Variants in INSRR observed in about 807,000 individuals in gnomAD.
The protein encoded by INSRR is insulin receptor related receptor.
A neutral mutation model predicts 130.0 loss-of-function variants in INSRR; 114 were observed. The observed-to-expected ratio is 0.88, with a 90% CI of 0.75 to 1.02. The LOEUF is 1.02. Ranked by LOEUF, INSRR falls within the 50% of genes least tolerant of loss-of-function variation. INSRR has a pLI of 0.00. For synonymous variants in INSRR, 674 were observed against 705.2 expected (o/e 0.96, Z 0.70); for missense variants, 1,657 against 1,735.2 (o/e 0.95, Z 0.80).
Position 156,844,504 on chromosome 1 carries a change from C to T in INSRR, c.2695G>A (p.Gly899Ser), listed in dbSNP as rs1654916463. 1 of 1,614,010 alleles carries T rather than the reference C, an allele frequency of 6.2e-7. No homozygotes were observed. Among genetic ancestry groups the T allele is most frequent in the African/African-American group, 1.3e-5 (1 of 74,914 alleles). Reference protein sequence around the residue: ...RVRATSLAGNGSWTDSVAFYI... With the variant: ...RVRATSLAGNSSWTDSVAFYI... ...AAGGCAACACTGTCTGTCCAAGAGCCATTGCCAGCCAGTGAGGTTGCCCTA... is the reference window on the plus strand; with the variant it reads ...AAGGCAACACTGTCTGTCCAAGAGCTATTGCCAGCCAGTGAGGTTGCCCTA... The change falls in exon 14 of 22, where the codon GGC (glycine) becomes AGC (serine). Residue 899 changes from glycine (G) to serine (S), a missense_variant. By Grantham distance (56) the Gly-to-Ser change is moderately conservative (BLOSUM62 0). Coordinates refer to ENST00000368195, the MANE Select transcript of INSRR (RefSeq NM_014215.3).
chr1:156,851,901 G>C lies in INSRR; in HGVS notation c.928C>G (p.Arg310Gly). ...CLAQCPSGFT[R>G]NSSSIFCHKC... ...CCCTACACTCACCTGCTGCTATTAC[G>C]GGTGAAGCCAGAAGGGCACTGGGCC... Residue 310 changes from arginine (R) to glycine (G), a missense_variant, in exon 3 of 22, where the codon CGT becomes GGT. By Grantham distance (125) the Arg-to-Gly change is moderately radical. Transcript: ENST00000368195. 1 of 1,586,230 alleles carries C rather than the reference G, an allele frequency of 6.3e-7. No individual in the cohort carries two copies. The highest frequency in any genetic ancestry group is 8.6e-7 in the Non-Finnish European group (1 of 1,161,964).
Position 156,841,728 on chromosome 1 carries a change from G to A in INSRR, c.3464C>T (p.Pro1155Leu). The change falls in exon 20 of 22, where the codon CCC becomes CTC. Residue 1155 changes from proline to leucine, a missense_variant. Physicochemically the swap from Pro to Leu is moderately conservative, Grantham distance 98. Coordinates refer to ENST00000368195, the MANE Select transcript of INSRR (RefSeq NM_014215.3). Reference sequence around the variant, plus strand: ...GGACTCGGGGGCCATCCAGCGCACGGGCAGCAGCCCCTTCCCACCCTTGCG... The same window carrying A: ...GGACTCGGGGGCCATCCAGCGCACGAGCAGCAGCCCCTTCCCACCCTTGCG... ...YYRKGGKGLL[P>L]VRWMAPESLK... 1.2e-6 allele frequency: 2 copies of A among 1,614,136 alleles called. No homozygotes were observed. The highest frequency in any genetic ancestry group is 2.7e-5 in the African/African-American group (2 of 75,034).
At chr1:156,853,082 C>G (rs1220766578) in intron 2 of INSRR, among the ~76,000 whole-genome samples, 1 of 152,134 alleles carries the variant, frequency 6.6e-6, no homozygotes, top group Non-Finnish European at 1.5e-5. Flanking sequence ...TCTCCTTTCT[C>G]TACTGCTTTT....
chr1:156,856,757 A>T (rs1217795755), intron 1 of INSRR, among the ~76,000 whole-genome samples: 1 of 152,152 alleles, frequency 6.6e-6, no homozygotes, highest in Non-Finnish European at 1.5e-5. Flanking sequence ...CTGGGCACTC[A>T]GGAACCATGG....
intron 1 of INSRR, among the ~76,000 whole-genome samples, chr1:156,857,322 G>T (rs915770834): frequency 2.2e-4 from 33 of 152,128 alleles, no homozygotes; most frequent in African/African-American, 7.5e-4. Flanking sequence ...GGCAGATAGG[G>T]GTTCTCTCAG....
At chr1:156,850,534 CTTTTTTTTTTTTTTTTTTTT>C (rs35237064) in intron 5 of INSRR, among the ~76,000 whole-genome samples, 10 of 58,618 alleles carry the variant, frequency 1.7e-4, no homozygotes, top group African/African-American at 5.0e-4. Context: ...TTAAAACATT[CTTTTTTTTTTTTTTTTTTTT>C]TTTTTTTTTT....
chr1:156,854,604 C>T lies in INSRR; in HGVS notation c.86-301G>A, dbSNP rs1003547132. Among the ~76,000 whole-genome samples, 1 of 152,188 alleles carries T rather than the reference C, an allele frequency of 6.6e-6. No homozygotes were observed. The highest frequency in any genetic ancestry group is 1.5e-5 in the Non-Finnish European group (1 of 68,026). On this transcript the variant is annotated intron_variant, in intron 1 of 21. Coordinates refer to ENST00000368195, the MANE Select transcript of INSRR (RefSeq NM_014215.3). The surrounding 1 kb of genome is among the most constrained non-coding windows in gnomAD (Gnocchi z 4.2). ...CAGTCAGGCTCCCAACGACTGCAAG[C>T]GACTCCCAGCGACTTCATTCTTGCA...
At position 156,841,706 on chromosome 1, in the gene INSRR, C is replaced by G. The variant is rs764122554; in HGVS notation, c.3486G>C (p.Glu1162Asp). The G allele has an allele frequency of 1.1e-5, 18 of 1,614,160 alleles. No homozygotes were observed. The South Asian group carries it at 1.9e-4, about 17-fold the overall frequency. ...GLLPVRWMAP[E>D]SLKDGIFTTH... is the part of the protein sequence containing the mutation. ...TGGTGAAGATCCCATCTTTGAGGGA[C>G]TCGGGGGCCATCCAGCGCACGGGCA... The change falls in exon 20 of 22, where the codon GAG becomes GAC. Residue 1162 changes from glutamate (E) to aspartate (D), a missense_variant. Transcript: ENST00000368195.
Position 156,844,298 on chromosome 1 carries a change from G to GT in INSRR, c.2738-19_2738-18insA. On this transcript the variant is annotated intron_variant, in intron 14 of 21. Coordinates refer to ENST00000368195, the MANE Select transcript of INSRR (RefSeq NM_014215.3). ...CTCCTCCTCTGGCAGTCAGAGGGCA[G>GT]CAGAGGGTAGAGTCAAAGATGTAGA... The GT allele has an allele frequency of 6.3e-7, 1 of 1,594,062 alleles. No individual in the cohort carries two copies.
rs779432741 is a variant in INSRR, at chr1:156,854,121, C to T, written c.268G>A (p.Gly90Arg). 29 of 1,614,040 alleles carry T rather than the reference C, an allele frequency of 1.8e-5. No homozygotes were observed. Among genetic ancestry groups the T allele is most frequent in the Admixed American group, 5.0e-5 (3 of 60,014 alleles). ...AAGAGGTCGCGCAGGCTCTCCAGTC[C>T]GTAGACACGGAAGAGCAGCAGGTAG... ...TDYLLLFRVY[G>R]LESLRDLFPN... is the part of the protein sequence containing the mutation. Residue 90 changes from glycine (G) to arginine (R), a missense_variant, in exon 2 of 22, where the codon GGA becomes AGA. Physicochemically the swap from Gly to Arg is moderately radical, Grantham distance 125. Coordinates refer to ENST00000368195, the MANE Select transcript of INSRR (RefSeq NM_014215.3). This position sits in a 1 kb window ranked among gnomAD's most constrained non-coding sequence, Gnocchi z 4.2.
chr1:156,852,856 T>C (rs538199332), intron 2 of INSRR, among the ~76,000 whole-genome samples: 2 of 151,858 alleles, frequency 1.3e-5, no homozygotes, highest in Admixed American at 6.6e-5. Context: ...ATCAGGGAGG[T>C]GGGGTGCAGC....
Position 156,858,885 on chromosome 1 carries a change from GTGACAGGGAGAGTC to G in INSRR, c.-278_-265del, listed in dbSNP as rs1468685316. Reference sequence around the variant, plus strand: ...AGAGATGGGGACAGAGATGCAGACAGTGACAGGGAGAGTCTCGGGCCTCCAGAGGGAGAAAATGA... The same window carrying G: ...AGAGATGGGGACAGAGATGCAGACAGTCGGGCCTCCAGAGGGAGAAAATGA... On this transcript the variant is annotated 5_prime_UTR_variant, in exon 1 of 22. Coordinates refer to ENST00000368195, the MANE Select transcript of INSRR (RefSeq NM_014215.3). 1.3e-4 allele frequency: 64 copies of G among 502,096 alleles called. No homozygotes were observed. Among genetic ancestry groups the G allele is most frequent in the South Asian group, 1.3e-3 (48 of 37,726 alleles). The allele number at this position is 502,096 out of a possible 1,614,324, so 31.1% of individuals were successfully genotyped here. A position where few individuals can be genotyped will look rare whatever the true frequency, so the allele number is the denominator to read the frequency against.
Position 156,842,447 on chromosome 1 carries a change from G to C in INSRR, c.3188C>G (p.Thr1063Ser). ...AAGATGGCTCTTGAGGTCCCCACGGGTCATTAACTCCATGATGACCAGAGT... is the reference window on the plus strand; with the variant it reads ...AAGATGGCTCTTGAGGTCCCCACGGCTCATTAACTCCATGATGACCAGAGT... ...QPTLVIMELM[T>S]RGDLKSHLRS... The change falls in exon 18 of 22, where the codon ACC (threonine) becomes AGC (serine). Residue 1063 changes from threonine (T) to serine (S), a missense_variant. By Grantham distance (58) the Thr-to-Ser change is moderately conservative. Coordinates refer to ENST00000368195, the MANE Select transcript of INSRR (RefSeq NM_014215.3). 1 of 1,614,052 alleles carries C rather than the reference G, an allele frequency of 6.2e-7. No homozygotes were observed. Among genetic ancestry groups the C allele is most frequent in the Admixed American group, 1.7e-5 (1 of 60,014 alleles).
At chr1:156,857,028 C>T (rs1031019476) in intron 1 of INSRR, among the ~76,000 whole-genome samples, 10 of 152,218 alleles carry the variant, frequency 6.6e-5, no homozygotes, top group African/African-American at 2.4e-4. Flanking sequence ...TGCCACATGC[C>T]ACGCTATCCA....
Position 156,841,772 on chromosome 1 carries a change from C to T in INSRR, c.3420G>A (p.Val1140=), listed in dbSNP as rs760770742. 1 of 1,614,146 alleles carries T rather than the reference C, an allele frequency of 6.2e-7. No individual in the cohort carries two copies. The highest frequency in any genetic ancestry group is 8.5e-7 in the Non-Finnish European group (1 of 1,180,002). ...KIGDFGMTRD[V]YETDYYRKGG... ...CCTTGCGGTAATAGTCTGTCTCATA[C>T]ACGTCCCGAGTCATCCCGAAGTCTG... Residue 1140 remains valine (V), a synonymous_variant, in exon 20 of 22, where the codon GTG becomes GTA. Transcript: ENST00000368195.
Position 156,846,690 on chromosome 1 carries a change from C to G in INSRR, c.1639G>C (p.Asp547His), listed in dbSNP as rs773557072. ...GTGCGGCTTAGGGGCAGCTCCACAT[C>G]CAGCAGGTTCCAGCTCTGGGTTCCA... ...ACGTQSWNLL[D>H]VELPLSRTQE... The change falls in exon 8 of 22, where the codon GAT becomes CAT. Residue 547 changes from aspartate to histidine, a missense_variant. Coordinates refer to ENST00000368195, the MANE Select transcript of INSRR (RefSeq NM_014215.3). 6.2e-7 allele frequency: 1 copy of G among 1,614,038 alleles called. No homozygotes were observed. The highest frequency in any genetic ancestry group is 1.3e-5 in the African/African-American group (1 of 74,936).
chr1:156,844,031 T>C, intron 15 of INSRR, 144 bp downstream of exon 15: 1 of 636,478 alleles, frequency 1.6e-6, no homozygotes, highest in Non-Finnish European at 2.8e-6. Flanking sequence ...GAGAGGTATG[T>C]TTCCTCTGTG....
intron 17 of INSRR, 83 bp from the exon 18 acceptor site, chr1:156,842,591 C>T: frequency 2.0e-6 from 2 of 991,574 alleles, no homozygotes; most frequent in Non-Finnish European, 3.2e-6. Context: ...TGACCACAGT[C>T]TGACTCAGAC....
chr1:156,855,495 A>G (rs1571675077), intron 1 of INSRR, among the ~76,000 whole-genome samples: 1 of 151,410 alleles, frequency 6.6e-6, no homozygotes, highest in East Asian at 2.0e-4. Flanking sequence ...GTGAACCACC[A>G]CGCCCGGCCT....
Sources: gnomAD v4.1 joint callset for allele counts (sites outside exome capture counted in the v4.1 genomes callset) on GRCh38, gnomAD v4.1.1 for gene constraint, Gnocchi (gnomAD v3.1) non-coding constraint, MANE v1.5 for transcripts, NCBI Gene and HGNC (gene_info 2026-07-23, HGNC 2026-07-21) for gene names.